Variants in AKT3 observed in about 807,000 individuals in gnomAD.
AKT3 encodes RAC-gamma serine/threonine-protein kinase.
AKT3 carries 15 observed loss-of-function variants against 65.3 expected under a neutral mutation model. The ratio of observed to expected loss-of-function variants is 0.23; its 90% CI spans 0.15 to 0.35. The LOEUF (loss-of-function observed/expected upper bound fraction) is 0.35, where lower values mean the gene tolerates loss of function less well. Ranked by LOEUF, AKT3 falls within the 10% of genes least tolerant of loss-of-function variation. AKT3 has a pLI of 1.00. For missense variants in AKT3, 243 were observed against 576.5 expected, an observed-to-expected ratio of 0.42 and a Z score of 5.92; for synonymous variants, 206 against 183.8, an observed-to-expected ratio of 1.12 and a Z score of -0.98.
intron 12 of AKT3, among the ~76,000 whole-genome samples, chr1:243,523,304 CACA>C (rs1558586047): frequency 1.9e-4 from 29 of 150,338 alleles, no homozygotes; most frequent in African/African-American, 6.7e-4. Flanking sequence ...CACACACACA[CACA>C]CCTTTCAGAA....
chr1:243,490,537 AT>A (rs1666149037), intron 13 of AKT3, among the ~76,000 whole-genome samples: 2 of 152,204 alleles, frequency 1.3e-5, no homozygotes, highest in African/African-American at 4.8e-5. Context: ...ACTGTGCTGA[AT>A]CCCCTGCCCC....
At chr1:243,542,597 G>A (rs983684531) in intron 12 of AKT3, among the ~76,000 whole-genome samples, 3 of 151,934 alleles carry the variant, frequency 2.0e-5, no homozygotes, top group Non-Finnish European at 2.9e-5. Flanking sequence ...CTGATCTTAG[G>A]AATGAATTGA....
At chr1:243,730,523 G>A (rs1051490552) in intron 2 of AKT3, among the ~76,000 whole-genome samples, 3 of 152,160 alleles carry the variant, frequency 2.0e-5, no homozygotes, top group African/African-American at 7.2e-5. Context: ...ACACTTCTGG[G>A]GGCCGAGACA....
Position 243,637,736 on chromosome 1 carries a change from T to A in AKT3, c.436A>T (p.Asn146Tyr). The change falls in exon 6 of 14, where the codon AAT (asparagine) becomes TAT (tyrosine). Residue 146 changes from asparagine (N) to tyrosine (Y), a missense_variant. Coordinates refer to ENST00000673466, the MANE Select transcript of AKT3 (RefSeq NM_005465.7). ...AGTAGTTTCAAATAGTCAAAATCAT[T>A]CATTGTCTGAAAAATACAAATTAAA... is the stretch of plus-strand genomic sequence containing the variant. ...STTHHKRKTM[N>Y]DFDYLKLLGK... The A allele has an allele frequency of 6.5e-7, 1 of 1,537,586 alleles. No homozygotes were observed. The highest frequency in any genetic ancestry group is 1.2e-5 in the South Asian group (1 of 85,702).
chr1:243,805,347 TTCTC>T (rs1692657521), intron 2 of AKT3, among the ~76,000 whole-genome samples: 1 of 152,132 alleles, frequency 6.6e-6, no homozygotes, highest in Non-Finnish European at 1.5e-5. Context: ...ATCTTATTCT[TTCTC>T]TGCCAGCTAT....
At chr1:243,728,899 C>G (rs752175689) in intron 2 of AKT3, among the ~76,000 whole-genome samples, 1 of 152,080 alleles carries the variant, frequency 6.6e-6, no homozygotes, top group Non-Finnish European at 1.5e-5. Context: ...AGTCACATGG[C>G]CCTCCAATAA....
intron 2 of AKT3, among the ~76,000 whole-genome samples, chr1:243,732,198 C>T (rs1050501320): frequency 1.3e-5 from 2 of 152,134 alleles, no homozygotes; most frequent in African/African-American, 2.4e-5. Flanking sequence ...GAGCCCAGAA[C>T]GGTCAGGACT....
At chr1:243,660,383 C>A (rs935660135) in intron 4 of AKT3, among the ~76,000 whole-genome samples, 2 of 152,102 alleles carry the variant, frequency 1.3e-5, no homozygotes. Flanking sequence ...GGCTTCATCC[C>A]TGGGATGCAA....
chr1:243,842,764 G>A (rs1331220910), intron 2 of AKT3, among the ~76,000 whole-genome samples: 1 of 152,056 alleles, frequency 6.6e-6, no homozygotes, highest in African/African-American at 2.4e-5. Context: ...ATATTTACAT[G>A]TGATTAAATG....
In AKT3 at chr1:243,670,525, A is replaced by T. The variant is rs542440137; in HGVS notation, c.173-5642T>A. Among the ~76,000 whole-genome samples the T allele has an allele frequency of 4.6e-5, 7 of 152,336 alleles. No homozygotes were observed. The South Asian group carries it at 1.0e-3, about 23-fold the overall frequency. ...AAGAATATTTGCCTTTTGGTTACGT[A>T]AAGATTCCCAACGCAAGGTAGGGCA... On this transcript the variant is annotated intron_variant, in intron 3 of 13. Transcript: ENST00000673466.
intron 8 of AKT3, among the ~76,000 whole-genome samples, chr1:243,609,061 A>T (rs1474820293): frequency 1.3e-5 from 2 of 151,902 alleles, no homozygotes; most frequent in Non-Finnish European, 2.9e-5. Context: ...CGTTTTCTGC[A>T]TTTTTATAAG....
chr1:243,674,526 G>A lies in AKT3; in HGVS notation c.173-9643C>T, dbSNP rs530302266. Among the ~76,000 whole-genome samples, 3 of 152,336 alleles carry A rather than the reference G, an allele frequency of 2.0e-5. No individual in the cohort carries two copies. In the East Asian group the frequency reaches 5.8e-4, roughly 29 times the overall value. Reference sequence around the variant, plus strand: ...CAGTAAATACAGAGGTAGAGGAAAAGTTAAATGACACCTCGTAGAAACGAT... The same window carrying A: ...CAGTAAATACAGAGGTAGAGGAAAAATTAAATGACACCTCGTAGAAACGAT... On this transcript the variant is annotated intron_variant, in intron 3 of 13. Transcript: ENST00000673466.
chr1:243,491,122 A>G (rs1666303024), intron 13 of AKT3, among the ~76,000 whole-genome samples: 1 of 152,186 alleles, frequency 6.6e-6, no homozygotes, highest in East Asian at 1.9e-4. Flanking sequence ...AGATCAGGAG[A>G]ACGTGGGCTT....
intron 2 of AKT3, among the ~76,000 whole-genome samples, chr1:243,822,285 G>A (rs186346873): frequency 6.6e-6 from 1 of 152,140 alleles, no homozygotes; most frequent in Admixed American, 6.5e-5. Flanking sequence ...GCAGTGTTAA[G>A]AGGGAAATTT....
chr1:243,641,040 G>C (rs1312277030), intron 5 of AKT3, among the ~76,000 whole-genome samples: 1 of 151,964 alleles, frequency 6.6e-6, no homozygotes, highest in African/African-American at 2.4e-5. Flanking sequence ...AGAATATAAA[G>C]CAGGCAGAAA....
chr1:243,499,265 T>C (rs1357873004), downstream of AKT3, among the ~76,000 whole-genome samples: 1 of 152,228 alleles, frequency 6.6e-6, no homozygotes, highest in African/African-American at 2.4e-5. Context: ...TACTTTTTCA[T>C]AGGTTACAAT....
chr1:243,795,250 G>T (rs938139723), intron 2 of AKT3, among the ~76,000 whole-genome samples: 1 of 151,644 alleles, frequency 6.6e-6, no homozygotes, highest in African/African-American at 2.4e-5. Flanking sequence ...GATCTGTGTG[G>T]GAAAACAGGG....
intron 9 of AKT3, among the ~76,000 whole-genome samples, chr1:243,569,908 C>A (rs1029373844): frequency 6.6e-6 from 1 of 152,176 alleles, no homozygotes; most frequent in African/African-American, 2.4e-5. Context: ...ATAATTTGGA[C>A]TACTGAAGAA....
intron 4 of AKT3, among the ~76,000 whole-genome samples, chr1:243,649,678 C>A (rs1429495677): frequency 1.3e-5 from 2 of 151,932 alleles, no homozygotes; most frequent in African/African-American, 4.8e-5. Flanking sequence ...GTTTTCTATT[C>A]TTGTGATAGT....
Sources: gnomAD v4.1 joint callset for allele counts (sites outside exome capture counted in the v4.1 genomes callset) on GRCh38, gnomAD v4.1.1 for gene constraint, MANE v1.5 for transcripts, NCBI Gene and HGNC (gene_info 2026-07-23, HGNC 2026-07-21) for gene names.